FBXO11: variants seen among roughly 807,000 people sequenced by gnomAD.
The protein encoded by FBXO11 is F-box only protein 11.
FBXO11 carries 13 observed loss-of-function variants against 117.0 expected under a neutral mutation model. That is an observed-to-expected ratio of 0.11 (90% CI 0.07 to 0.18). The LOEUF (loss-of-function observed/expected upper bound fraction) is 0.18, where lower values mean the gene tolerates loss of function less well. Ranked by LOEUF, FBXO11 falls within the 10% of genes least tolerant of loss-of-function variation. FBXO11 has a pLI of 1.00. For synonymous variants in FBXO11, 490 were observed against 380.5 expected (o/e 1.29, Z -3.35); for missense variants, 767 against 1,164.4 (o/e 0.66, Z 4.97).
At chr2:47,889,664 T>C (rs1421215166) in intron 1 of FBXO11, among the ~76,000 whole-genome samples, 19 of 151,922 alleles carry the variant, frequency 1.3e-4, no homozygotes, top group African/African-American at 4.6e-4. Flanking sequence ...AATGATGAAA[T>C]TATTTCCCTT....
intron 1 of FBXO11, among the ~76,000 whole-genome samples, chr2:47,877,216 T>C (rs1047080981): frequency 6.6e-6 from 1 of 152,046 alleles, no homozygotes; most frequent in African/African-American, 2.4e-5. Flanking sequence ...TTTGTAGAGA[T>C]GAGGTTTTGC....
At chr2:47,899,949 G>C (rs1217210235) in intron 1 of FBXO11, among the ~76,000 whole-genome samples, 1 of 151,876 alleles carries the variant, frequency 6.6e-6, no homozygotes, top group Non-Finnish European at 1.5e-5. Context: ...ACAAACGGTG[G>C]GGGGCGGGGG....
intron 18 of FBXO11, among the ~76,000 whole-genome samples, chr2:47,812,347 C>T (rs953336694): frequency 7.9e-5 from 12 of 152,310 alleles, no homozygotes; most frequent in African/African-American, 2.4e-5. Flanking sequence ...ATGGTCTGTT[C>T]GCCTCTCCCA....
rs374445177 is a variant in FBXO11 at position 47,818,873 on chromosome 2, TAAAA to T, written c.1921-13_1921-10del. Reference sequence around the variant, plus strand: ...TAAAAATAAACACCAACCTAAAATTTAAAAAAAAAAAAAAAGCTTTTTCAAGGGA... The same window carrying T: ...TAAAAATAAACACCAACCTAAAATTTAAAAAAAAAAAGCTTTTTCAAGGGA... On this transcript the variant is annotated splice_polypyrimidine_tract_variant and intron_variant, in intron 15 of 22. Coordinates refer to ENST00000403359, the MANE Select transcript of FBXO11 (RefSeq NM_001190274.2). The T allele has an allele frequency of 3.5e-6, 5 of 1,417,846 alleles. No homozygotes were observed. In the South Asian group the frequency reaches 6.4e-5, roughly 18 times the overall value. The allele number at this position is 1,417,846 out of a possible 1,614,324, so 87.8% of individuals were successfully genotyped here.
intron 1 of FBXO11, among the ~76,000 whole-genome samples, chr2:47,887,037 G>C (rs931390680): frequency 6.6e-6 from 1 of 152,134 alleles, no homozygotes. Flanking sequence ...TGTAATCCCA[G>C]CACTTTTGGA....
At chr2:47,851,811 G>A (rs1673883649) in intron 1 of FBXO11, among the ~76,000 whole-genome samples, 1 of 152,150 alleles carries the variant, frequency 6.6e-6, no homozygotes, top group African/African-American at 2.4e-5. Flanking sequence ...AAGAGCAAGA[G>A]TGAAGTATGA....
chr2:47,847,026 C>G (rs1030558948), intron 1 of FBXO11, among the ~76,000 whole-genome samples: 1 of 152,086 alleles, frequency 6.6e-6, no homozygotes, highest in African/African-American at 2.4e-5. Flanking sequence ...GGCACTTCAT[C>G]TGAGGCCAGG....
intron 1 of FBXO11, among the ~76,000 whole-genome samples, chr2:47,890,585 C>T (rs962359402): frequency 3.3e-5 from 5 of 152,018 alleles, no homozygotes; most frequent in African/African-American, 1.2e-4. Flanking sequence ...GGGTGGACCA[C>T]CTGAGGTCAG....
At chr2:47,850,329 G>A (rs1304009371) in intron 1 of FBXO11, among the ~76,000 whole-genome samples, 3 of 152,120 alleles carry the variant, frequency 2.0e-5, no homozygotes, top group Admixed American at 6.5e-5. Flanking sequence ...ACATTCAAGT[G>A]GAAATGCCCA....
chr2:47,884,680 G>GTTCC (rs1297571214), intron 1 of FBXO11, among the ~76,000 whole-genome samples: 2 of 152,202 alleles, frequency 1.3e-5, no homozygotes, highest in Non-Finnish European at 2.9e-5. Context: ...CCTGATGGCT[G>GTTCC]TTCCTTACAG....
intron 1 of FBXO11, among the ~76,000 whole-genome samples, chr2:47,874,838 T>C (rs1157351669): frequency 6.7e-6 from 1 of 148,766 alleles, no homozygotes; most frequent in African/African-American, 2.5e-5. Flanking sequence ...CCTGGCCACA[T>C]ACAAAATTTA....
chr2:47,812,759 A>G (rs1305328508), intron 18 of FBXO11: 1 of 197,950 alleles, frequency 5.1e-6, no homozygotes, highest in Non-Finnish European at 1.0e-5. Context: ...CTTTTGCCTC[A>G]ATGCAAAGTG....
intron 1 of FBXO11, among the ~76,000 whole-genome samples, chr2:47,840,339 G>T (rs182735830): frequency 2.9e-4 from 44 of 152,174 alleles, no homozygotes; most frequent in African/African-American, 1.0e-3. Flanking sequence ...ACCATATATG[G>T]TGAAGGCAGC....
chr2:47,812,491 ACTAT>A (rs1311974252), intron 18 of FBXO11, among the ~76,000 whole-genome samples: 1 of 152,188 alleles, frequency 6.6e-6, no homozygotes, highest in Admixed American at 6.5e-5. Context: ...TTTTGTGAAA[ACTAT>A]CTGAGATACG....
intron 11 of FBXO11, among the ~76,000 whole-genome samples, chr2:47,825,813 G>C (rs949476490): frequency 1.3e-5 from 2 of 152,016 alleles, no homozygotes; most frequent in African/African-American, 4.8e-5. Flanking sequence ...TCAGCCTCAA[G>C]CAATCCTCCC....
intron 1 of FBXO11, among the ~76,000 whole-genome samples, chr2:47,841,764 C>T (rs1673026137): frequency 6.6e-6 from 1 of 151,930 alleles, no homozygotes; most frequent in South Asian, 2.1e-4. Context: ...TCTCAGCCTC[C>T]TGAGTAGCTG....
chr2:47,836,702 T>C (rs745579416), intron 4 of FBXO11, among the ~76,000 whole-genome samples: 1 of 152,194 alleles, frequency 6.6e-6, no homozygotes, highest in African/African-American at 2.4e-5. Flanking sequence ...TTCAATTTCC[T>C]TACAAACTGT....
chr2:47,856,949 T>G (rs185727375), intron 1 of FBXO11, among the ~76,000 whole-genome samples: 17 of 152,308 alleles, frequency 1.1e-4, no homozygotes, highest in Non-Finnish European at 2.5e-4. Context: ...CTGGGATGAG[T>G]TGGATGGTAA....
At chr2:47,896,894 C>T (rs1677709680) in intron 1 of FBXO11, among the ~76,000 whole-genome samples, 1 of 152,184 alleles carries the variant, frequency 6.6e-6, no homozygotes, top group Admixed American at 6.5e-5. Context: ...TAGTGCCTTA[C>T]TCCAACTTCT....
Sources: allele counts gnomAD v4.1 joint callset (sites outside exome capture counted in the v4.1 genomes callset), GRCh38; gene constraint gnomAD v4.1.1; transcripts MANE v1.5; gene names NCBI Gene and HGNC (gene_info 2026-07-23, HGNC 2026-07-21).